The following FAM78B variants were observed in gnomAD, a reference collection of about 807,000 sequenced individuals.
FAM78B encodes family with sequence similarity 78 member B, also known as protein FAM78B.
FAM78B carries 10 observed loss-of-function variants against 20.0 expected under a neutral mutation model. The observed-to-expected ratio is 0.50, with a 90% CI of 0.31 to 0.85. FAM78B has a LOEUF of 0.85. FAM78B is among the 40% of genes least tolerant of loss of function. FAM78B has a pLI of 0.05. For synonymous variants in FAM78B, 135 were observed against 132.8 expected (o/e 1.02, Z -0.12); for missense variants, 283 against 345.0 (o/e 0.82, Z 1.42).
intron 1 of FAM78B, among the ~76,000 whole-genome samples, chr1:166,133,601 T>TAA (rs5778486): frequency 0.75 from 111,694 of 148,588 alleles, 42,154 homozygotes; most frequent in Non-Finnish European, 0.81. Flanking sequence ...TGAGCAATCT[T>TAA]AAAAAAAAAA....
chr1:166,152,837 C>G (rs1025717389), intron 1 of FAM78B, among the ~76,000 whole-genome samples: 2 of 152,058 alleles, frequency 1.3e-5, no homozygotes, highest in African/African-American at 4.8e-5. Flanking sequence ...GCCACCACAC[C>G]CAGCTAATTT....
At chr1:166,110,751 C>T (rs986683837) in intron 1 of FAM78B, among the ~76,000 whole-genome samples, 1 of 152,172 alleles carries the variant, frequency 6.6e-6, no homozygotes, top group African/African-American at 2.4e-5. Flanking sequence ...GCTTGTGATA[C>T]CTTCCCAGAG....
intron 1 of FAM78B, among the ~76,000 whole-genome samples, chr1:166,130,932 G>T (rs887927320): frequency 6.6e-6 from 1 of 151,436 alleles, no homozygotes; most frequent in Non-Finnish European, 1.5e-5. Context: ...TCACAAGGCT[G>T]CGGGCCCAGG....
At chr1:166,158,094 G>A (rs1655986791) in intron 1 of FAM78B, among the ~76,000 whole-genome samples, 1 of 152,138 alleles carries the variant, frequency 6.6e-6, no homozygotes, top group Non-Finnish European at 1.5e-5. Context: ...ATAAAGCTAG[G>A]TCCATTATCA....
intron 1 of FAM78B, among the ~76,000 whole-genome samples, chr1:166,149,086 A>G (rs1010392869): frequency 4.6e-5 from 7 of 152,132 alleles, no homozygotes; most frequent in African/African-American, 1.7e-4. Context: ...GCTATTGTGA[A>G]TAATGCCGCA....
intron 1 of FAM78B, among the ~76,000 whole-genome samples, chr1:166,100,222 A>G (rs1477097425): frequency 6.6e-6 from 1 of 152,212 alleles, no homozygotes; most frequent in Non-Finnish European, 1.5e-5. Flanking sequence ...CAGTTCCAAG[A>G]TGGCCAAATA....
chr1:166,074,315 G>A (rs967918336), intron 1 of FAM78B, among the ~76,000 whole-genome samples: 4 of 151,976 alleles, frequency 2.6e-5, no homozygotes, highest in African/African-American at 4.8e-5. Context: ...CCACTGTATC[G>A]AACTACTACT....
intron 1 of FAM78B, 56 bp downstream of exon 1, chr1:166,165,930 G>C (rs1656357527): frequency 6.2e-7 from 1 of 1,608,062 alleles, no homozygotes. Flanking sequence ...GGTCAAGGTG[G>C]CAAGCAGAGC....
At chr1:166,081,952 C>T (rs968668682) in intron 1 of FAM78B, among the ~76,000 whole-genome samples, 1 of 152,144 alleles carries the variant, frequency 6.6e-6, no homozygotes, top group Non-Finnish European at 1.5e-5. Context: ...TACAATATGG[C>T]CAGAATTTGT....
At chr1:166,057,657 A>C (rs1364322913) in exon 3 of FAM78B, 1 of 152,238 alleles carries the variant, frequency 6.6e-6, no homozygotes, top group Admixed American at 6.5e-5. Flanking sequence ...AGTGATACAC[A>C]CATGCTCATG....
intron 2 of FAM78B, among the ~76,000 whole-genome samples, chr1:166,061,590 C>T (rs190433658): frequency 1.5e-4 from 23 of 152,288 alleles, no homozygotes; most frequent in African/African-American, 5.5e-4. Flanking sequence ...GGGGACTTAA[C>T]AGCCTAGAAG....
intron 1 of FAM78B, among the ~76,000 whole-genome samples, chr1:166,079,242 C>G (rs1652466958): frequency 6.6e-6 from 1 of 152,184 alleles, no homozygotes; most frequent in South Asian, 2.1e-4. Context: ...TGGCCTTACC[C>G]TTTTAAGAGA....
chr1:166,123,833 C>T (rs1208260877), intron 1 of FAM78B, among the ~76,000 whole-genome samples: 2 of 152,152 alleles, frequency 1.3e-5, no homozygotes, highest in African/African-American at 4.8e-5. Flanking sequence ...TCTTCCACCC[C>T]AGCTCCAGCA....
At chr1:166,066,351 TCTC>T (rs1191864028), downstream of FAM78B, among the ~76,000 whole-genome samples, 1 of 152,238 alleles carries the variant, frequency 6.6e-6, no homozygotes, top group Non-Finnish European at 1.5e-5. Flanking sequence ...CAGTGTTTGT[TCTC>T]CTATGTTTAG....
chr1:166,106,976 G>A (rs1161793093), intron 1 of FAM78B, among the ~76,000 whole-genome samples: 2 of 151,628 alleles, frequency 1.3e-5, no homozygotes, highest in Non-Finnish European at 2.9e-5. Flanking sequence ...ACAACCTACC[G>A]AAATCTCTGG....
chr1:166,098,563 G>C (rs1446006347), intron 1 of FAM78B, among the ~76,000 whole-genome samples: 1 of 151,932 alleles, frequency 6.6e-6, no homozygotes, highest in East Asian at 1.9e-4. Flanking sequence ...AAAAATTCAA[G>C]AAACTTTGGA....
chr1:166,162,642 C>T lies in FAM78B; in HGVS notation c.263+3344G>A, dbSNP rs144284813. 5.2e-3 allele frequency among the ~76,000 whole-genome samples: 793 copies of T among 152,302 alleles called. 2 individuals are homozygous for T. Among genetic ancestry groups the T allele is most frequent in the Middle Eastern group, 0.034 (10 of 294 alleles). Reference sequence around the variant, plus strand: ...TTCTGTTGGAAAGCTTCTGCATACTCAAGAGGTATAAAGAAGATAGGAAGA... The same window carrying T: ...TTCTGTTGGAAAGCTTCTGCATACTTAAGAGGTATAAAGAAGATAGGAAGA... On this transcript the variant is annotated intron_variant, in intron 1 of 1. Transcript: ENST00000354422.
chr1:166,155,856 C>T (rs998857094), intron 1 of FAM78B, among the ~76,000 whole-genome samples: 4 of 152,124 alleles, frequency 2.6e-5, no homozygotes, highest in Admixed American at 6.6e-5. Context: ...ATTCCCTTCA[C>T]GCCTCTCTTC....
chr1:166,129,519 A>G (rs913772018), intron 1 of FAM78B, among the ~76,000 whole-genome samples: 2 of 152,196 alleles, frequency 1.3e-5, no homozygotes, highest in African/African-American at 4.8e-5. Flanking sequence ...AGACCTTTTC[A>G]GGCATGGATG....
Sources: allele counts gnomAD v4.1 joint callset (sites outside exome capture counted in the v4.1 genomes callset), GRCh38; gene constraint gnomAD v4.1.1; transcripts MANE v1.5; gene names NCBI Gene and HGNC (gene_info 2026-07-23, HGNC 2026-07-21).